SLC6A13: variants seen among roughly 807,000 people sequenced by gnomAD.
SLC6A13 encodes the protein solute carrier family 6 member 13, also known as sodium- and chloride-dependent GABA transporter 2.
Under a neutral mutation model 72.9 loss-of-function variants are expected in SLC6A13, and 69 were observed. That is an observed-to-expected ratio of 0.95 (90% confidence interval 0.78 to 1.16). The LOEUF (loss-of-function observed/expected upper bound fraction) is 1.16. Ranked by LOEUF, SLC6A13 falls within the 50% of genes most tolerant of loss-of-function variation. The probability of loss-of-function intolerance (pLI) is 0.00; values close to 1 mark genes in which losing one functional copy is unlikely to be tolerated. For synonymous variants in SLC6A13, 303 were observed against 303.0 expected (o/e 1.00, Z 0.00); for missense variants, 735 against 760.5 (o/e 0.97, Z 0.39).
intron 4 of SLC6A13, among the ~76,000 whole-genome samples, chr12:240,244 C>A (rs1942115198): frequency 6.6e-6 from 1 of 152,138 alleles, no homozygotes; most frequent in Non-Finnish European, 1.5e-5. Flanking sequence ...TTCTCTATTA[C>A]CCAGGCTGGA....
chr12:243,572 G>A lies in SLC6A13; in HGVS notation c.337+107C>T, dbSNP rs1372565194. 30 of 1,121,228 alleles carry A rather than the reference G, an allele frequency of 2.7e-5. 1 individual carries two copies. The highest frequency in any genetic ancestry group is 1.7e-4 in the South Asian group (11 of 63,672). 69.5% of individuals were successfully genotyped at this position (1,121,228 alleles called of 1,614,324 possible). ...AACCAAGGGTTTAGCATAGAGACTC[G>A]GGATCTTATCTTAACCTCAGAACTG... On this transcript the variant is annotated intron_variant, in intron 3 of 14. Coordinates refer to ENST00000343164, the MANE Select transcript of SLC6A13 (RefSeq NM_016615.5).
intron 1 of SLC6A13, 31 bp downstream of exon 1, chr12:262,758 T>C: frequency 1.1e-6 from 1 of 948,148 alleles, no homozygotes; most frequent in Non-Finnish European, 1.3e-6. Flanking sequence ...GACGCAGAAA[T>C]AGAAAAAAAA....
At chr12:242,577 C>G (rs114094357) in intron 4 of SLC6A13, 37 bp downstream of exon 4, 8 of 1,593,716 alleles carry the variant, frequency 5.0e-6, no homozygotes, top group Non-Finnish European at 6.9e-6. Flanking sequence ...TGTGGCAGAA[C>G]GAGAGGAGGA....
chr12:226,549 A>G lies in SLC6A13; in HGVS notation c.936-35T>C, dbSNP rs746925468. The G allele has an allele frequency of 1.9e-6, 3 of 1,606,162 alleles. No homozygotes were observed. In the South Asian group the frequency reaches 3.3e-5, roughly 18 times the overall value. On this transcript the variant is annotated intron_variant, in intron 8 of 14. Transcript: ENST00000343164. Reference sequence around the variant, plus strand: ...AGGGGTGAGGAGAGGGCGGAATGGCAGGGTCAGAACAGGGCTGCAACCTCT... The same window carrying G: ...AGGGGTGAGGAGAGGGCGGAATGGCGGGGTCAGAACAGGGCTGCAACCTCT...
rs79680289 is a variant in SLC6A13 at position 237,920 on chromosome 12, A to C, written c.563+6T>G. 48 of 1,609,188 alleles carry C rather than the reference A, an allele frequency of 3.0e-5. No individual in the cohort carries two copies. The highest frequency in any genetic ancestry group is 4.1e-5 in the Non-Finnish European group (48 of 1,175,646). ...CCCACAGTGGGTGGGGAAGGGTCTC[A>C]CTTACTCCCAGAACTCGATGACAGG... is the stretch of plus-strand genomic sequence containing the variant. On this transcript the variant is annotated splice_donor_region_variant and intron_variant, in intron 5 of 14. Transcript: ENST00000343164.
At chr12:258,000 C>G (rs896228359) in intron 2 of SLC6A13, among the ~76,000 whole-genome samples, 2 of 152,182 alleles carry the variant, frequency 1.3e-5, no homozygotes, top group African/African-American at 2.4e-5. Context: ...GATTAGTCCC[C>G]CAGCCTCCAG....
Position 227,583 on chromosome 12 carries a change from T to C in SLC6A13, c.917A>G (p.Tyr306Cys). 6.2e-7 allele frequency: 1 copy of C among 1,613,990 alleles called. No individual in the cohort carries two copies. Among genetic ancestry groups the C allele is most frequent in the South Asian group, 1.1e-5 (1 of 91,082 alleles). ...CAATCACCTGTAGCAGTTGTTGTGG[T>C]ACTTGTTGTAGCTGCCCAGGGCTGT... ...CLTALGSYNK[Y>C]HNNCYRDCIA... The change falls in exon 8 of 15, where the codon TAC (tyrosine) becomes TGC (cysteine). Residue 306 changes from tyrosine (Y) to cysteine (C), a missense_variant. Tyr to Cys is a radical substitution (Grantham distance 194, BLOSUM62 -2). Transcript: ENST00000343164.
At chr12:247,360 C>T (rs899864310) in intron 2 of SLC6A13, among the ~76,000 whole-genome samples, 2 of 151,972 alleles carry the variant, frequency 1.3e-5, no homozygotes, top group African/African-American at 4.8e-5. Flanking sequence ...CACATATGTA[C>T]AGACAAAGAT....
rs77447187 is a variant in SLC6A13 at position 247,298 on chromosome 12, C to T, written c.203-3485G>A. ...TGCATCATAATCACATTACTTAAAC[C>T]GGAATATGGAGCTTTTAAGAGAAAA... On this transcript the variant is annotated intron_variant, in intron 2 of 14. Transcript: ENST00000343164. 2.6e-3 allele frequency among the ~76,000 whole-genome samples: 386 copies of T among 150,766 alleles called. 7 individuals carry two copies. The East Asian group carries it at 0.06, about 23-fold the overall frequency.
rs550095767 is a variant in SLC6A13 at position 239,080 on chromosome 12, A to T, written c.479-1070T>A. On this transcript the variant is annotated intron_variant, in intron 4 of 14. Transcript: ENST00000343164. The stretch of plus-strand genomic sequence containing the variant: ...CTCAGCCACCTGCTCTACCACGTCC[A>T]CCCTGTTCCCTGCACACGTGGGGTG... Among the ~76,000 whole-genome samples the T allele has an allele frequency of 5.3e-5, 8 of 150,388 alleles. 1 individual carries two copies. Among genetic ancestry groups the T allele is most frequent in the Admixed American group, 4.6e-4 (7 of 15,096 alleles).
chr12:243,465 C>G (rs888117640), intron 3 of SLC6A13, among the ~76,000 whole-genome samples: 1 of 152,168 alleles, frequency 6.6e-6, no homozygotes, highest in Non-Finnish European at 1.5e-5. Flanking sequence ...CTTACCTAAC[C>G]TAAAGCCTCT....
chr12:251,964 A>C (rs1721055367), intron 2 of SLC6A13, among the ~76,000 whole-genome samples: 1 of 152,184 alleles, frequency 6.6e-6, no homozygotes, highest in Non-Finnish European at 1.5e-5. Flanking sequence ...TGACAGAGTG[A>C]GATCCCATCT....
intron 4 of SLC6A13, 70 bp downstream of exon 4, chr12:242,544 G>C: frequency 7.0e-7 from 1 of 1,431,774 alleles, no homozygotes. Flanking sequence ...CGGGGATATA[G>C]TGACAAGCCC....
chr12:223,896 G>A, intron 11 of SLC6A13, 96 bp downstream of exon 11: 1 of 1,416,632 alleles, frequency 7.1e-7, no homozygotes, highest in Non-Finnish European at 9.9e-7. Flanking sequence ...CAGAAGACCT[G>A]CCCTGACCGG....
intron 2 of SLC6A13, 85 bp from the exon 3 acceptor site, chr12:243,898 T>C: frequency 7.4e-7 from 1 of 1,347,506 alleles, no homozygotes; most frequent in Admixed American, 2.0e-5. Flanking sequence ...CAACCCATAC[T>C]GCCAGTCAGA....
intron 7 of SLC6A13, among the ~76,000 whole-genome samples, chr12:229,669 G>T (rs1941622956): frequency 6.6e-6 from 1 of 152,220 alleles, no homozygotes; most frequent in South Asian, 2.1e-4. Context: ...GTCATTCAGG[G>T]TGTGTCCCGG....
chr12:253,063 G>T (rs1942610291), intron 2 of SLC6A13, among the ~76,000 whole-genome samples: 1 of 152,206 alleles, frequency 6.6e-6, no homozygotes. Flanking sequence ...CCTGGGGATG[G>T]GGGGTGGAGT....
At chr12:244,961 T>C (rs1365619742) in intron 2 of SLC6A13, among the ~76,000 whole-genome samples, 1 of 152,148 alleles carries the variant, frequency 6.6e-6, no homozygotes, top group African/African-American at 2.4e-5. Context: ...ACAAGACTAC[T>C]GATGCCAGAT....
At chr12:257,004 C>A (rs1349255926) in intron 2 of SLC6A13, among the ~76,000 whole-genome samples, 1 of 152,136 alleles carries the variant, frequency 6.6e-6, no homozygotes. Context: ...ACAGGGTCTC[C>A]ATTCTCCCCA....
Sources: gnomAD v4.1 joint callset for allele counts (sites outside exome capture counted in the v4.1 genomes callset) on GRCh38, gnomAD v4.1.1 for gene constraint, MANE v1.5 for transcripts, NCBI Gene and HGNC (gene_info 2026-07-23, HGNC 2026-07-21) for gene names.